BLTP3A: variants seen among roughly 807,000 people sequenced by gnomAD.
BLTP3A encodes bridge-like lipid transfer protein family member 3A, also known as ICBP90 binding protein 1.
At chr6:34,849,911 C>T in the BLTP3A span, among the ~76,000 whole-genome samples, 18 of 152,122 alleles carry the variant, frequency 1.2e-4, no homozygotes, top group Non-Finnish European at 2.4e-4. Context: ...GAGGCTGAGG[C>T]AGGCGGATCA....
chr6:34,852,578 TC>T, the BLTP3A span, among the ~76,000 whole-genome samples: 3 of 137,190 alleles, frequency 2.2e-5, no homozygotes, highest in South Asian at 7.1e-4. Flanking sequence ...TCCTCTCCTC[TC>T]CTCAGGTGCA....
chr6:34,823,706 C>T, the BLTP3A span, among the ~76,000 whole-genome samples: 1 of 151,616 alleles, frequency 6.6e-6, no homozygotes, highest in African/African-American at 2.4e-5. Context: ...CCATGCCTGG[C>T]TAGTTTTTTG....
chr6:34,801,681 C>A, the BLTP3A span, among the ~76,000 whole-genome samples: 1 of 152,100 alleles, frequency 6.6e-6, no homozygotes, highest in African/African-American at 2.4e-5. Flanking sequence ...CATAAAAGCA[C>A]AAAATATCGC....
the BLTP3A span, among the ~76,000 whole-genome samples, chr6:34,861,582 T>C: frequency 1.8e-4 from 28 of 152,246 alleles, no homozygotes; most frequent in Non-Finnish European, 3.7e-4. Context: ...AATCTTTGTA[T>C]GTCTGCATTC....
chr6:34,834,511 C>A, the BLTP3A span: 1 of 1,493,004 alleles, frequency 6.7e-7, no homozygotes, highest in African/African-American at 1.4e-5. Context: ...CAAATGTTCC[C>A]CATTCCTGGG....
chr6:34,857,717 T>C, the BLTP3A span: 11 of 1,610,086 alleles, frequency 6.8e-6, no homozygotes, highest in Non-Finnish European at 9.3e-6. Context: ...TTCCCTCTGC[T>C]TTCCAGTTCC....
At chr6:34,798,668 T>C in the BLTP3A span, among the ~76,000 whole-genome samples, 3 of 151,238 alleles carry the variant, frequency 2.0e-5, no homozygotes, top group Non-Finnish European at 4.4e-5. Flanking sequence ...AGTTCAGTTT[T>C]TAGATTCTGA....
the BLTP3A span, among the ~76,000 whole-genome samples, chr6:34,844,276 C>G: frequency 8.5e-3 from 1,285 of 151,612 alleles, 20 homozygotes; most frequent in African/African-American, 0.027. Flanking sequence ...GCCACCAAAC[C>G]TGGCCTGGTT....
At chr6:34,857,288 A>T in the BLTP3A span, 1 of 1,611,924 alleles carries the variant, frequency 6.2e-7, no homozygotes, top group Non-Finnish European at 8.5e-7. Flanking sequence ...GGCTGCTCTA[A>T]GTTTGATTGT....
At chr6:34,829,697 C>T in the BLTP3A span, among the ~76,000 whole-genome samples, 9 of 152,036 alleles carry the variant, frequency 5.9e-5, no homozygotes, top group East Asian at 1.2e-3. Context: ...TGCAGTGGTG[C>T]GATCTCAGCT....
At chr6:34,796,865 C>T in the BLTP3A span, among the ~76,000 whole-genome samples, 3 of 152,112 alleles carry the variant, frequency 2.0e-5, no homozygotes, top group African/African-American at 7.2e-5. Flanking sequence ...CCACCACGCC[C>T]GGCTAATTTT....
the BLTP3A span, chr6:34,856,438 G>GTTGC: frequency 6.2e-7 from 1 of 1,605,726 alleles, no homozygotes; most frequent in Non-Finnish European, 8.5e-7. Flanking sequence ...GAAGACTCCA[G>GTTGC]TTGCTTAGCC....
At chr6:34,805,973 A>G in the BLTP3A span, among the ~76,000 whole-genome samples, 1 of 151,978 alleles carries the variant, frequency 6.6e-6, no homozygotes, top group African/African-American at 2.4e-5. Flanking sequence ...ATTCTCTCTA[A>G]TGGGAAGAGT....
the BLTP3A span, among the ~76,000 whole-genome samples, chr6:34,855,164 G>A: frequency 7.2e-5 from 11 of 152,302 alleles, no homozygotes; most frequent in African/African-American, 2.6e-4. Flanking sequence ...TAATATCAGA[G>A]CTTTAGCTCT....
chr6:34,873,434 T>C, the BLTP3A span: 1 of 152,194 alleles, frequency 6.6e-6, no homozygotes, highest in African/African-American at 2.4e-5. Flanking sequence ...AACTTTTACA[T>C]AAACAACTCA....
chr6:34,794,936 C>T, the BLTP3A span, among the ~76,000 whole-genome samples: 1 of 151,754 alleles, frequency 6.6e-6, no homozygotes, highest in South Asian at 2.1e-4. Flanking sequence ...AGGCATGCGC[C>T]ACCACGCCCA....
chr6:34,826,414 G>A, the BLTP3A span, among the ~76,000 whole-genome samples: 5 of 149,954 alleles, frequency 3.3e-5, no homozygotes, highest in African/African-American at 9.8e-5. Flanking sequence ...GCTGGAGTGC[G>A]GTGGTGCAGT....
At chr6:34,821,591 C>T in the BLTP3A span, 1 of 1,466,142 alleles carries the variant, frequency 6.8e-7, no homozygotes, top group Non-Finnish European at 9.2e-7. Context: ...AGTGTTTTGG[C>T]TGTAATACCC....
At chr6:34,877,073 A>G in the BLTP3A span, 6 of 152,628 alleles carry the variant, frequency 3.9e-5, no homozygotes, top group African/African-American at 1.4e-4. Flanking sequence ...TAAAGCATTT[A>G]TTTGTGGAAT....
Sources: gnomAD v4.1 joint callset for allele counts (sites outside exome capture counted in the v4.1 genomes callset) on GRCh38, gnomAD v4.1.1 for gene constraint, MANE v1.5 for transcripts, NCBI Gene and HGNC (gene_info 2026-07-23, HGNC 2026-07-21) for gene names.